ASH1L: variants seen among roughly 807,000 people sequenced by gnomAD.
ASH1L encodes histone-lysine N-methyltransferase ASH1L.
In ASH1L, 23 loss-of-function variants were observed where a neutral mutation model predicts 269.0. The observed-to-expected ratio is 0.09, with a 90% confidence interval of 0.06 to 0.12. The LOEUF is 0.12. ASH1L is among the 10% of genes least tolerant of loss of function. The pLI is 1.00. For missense variants in ASH1L, 2,912 were observed against 3,567.8 expected, an observed-to-expected ratio of 0.82 and a Z score of 4.68; for synonymous variants, 1,187 against 1,253.5, an observed-to-expected ratio of 0.95 and a Z score of 1.12.
intron 2 of ASH1L, among the ~76,000 whole-genome samples, chr1:155,497,327 T>C (rs977287021): frequency 6.6e-6 from 1 of 152,196 alleles, no homozygotes; most frequent in African/African-American, 2.4e-5. Flanking sequence ...CAACTGATTC[T>C]TGAACAACAA....
intron 1 of ASH1L, among the ~76,000 whole-genome samples, chr1:155,560,532 A>G (rs1239371715): frequency 6.6e-6 from 1 of 152,196 alleles, no homozygotes; most frequent in Non-Finnish European, 1.5e-5. Context: ...CTCTGGTTTT[A>G]ATTCCACACC....
In ASH1L at chr1:155,415,887, A is replaced by G. The variant is rs1303331666; in HGVS notation, c.5865T>C (p.Ser1955=). Residue 1955 remains serine (S), a synonymous_variant, in exon 6 of 28, where the codon TCT becomes TCC. Coordinates refer to ENST00000392403, the MANE Select transcript of ASH1L (RefSeq NM_018489.3). ...NEAPVEIPSP[S]ETPAKPSEPE... is the part of the protein sequence containing the mutation. The stretch of plus-strand genomic sequence containing the variant: ...GTTCAGAAGGTTTAGCTGGGGTTTC[A>G]GAAGGACTGGGAATCTCAACTGGTG... 6.2e-7 allele frequency: 1 copy of G among 1,609,240 alleles called. No individual in the cohort carries two copies. Among genetic ancestry groups the G allele is most frequent in the African/African-American group, 1.3e-5 (1 of 74,668 alleles).
chr1:155,512,108 A>G (rs547185817), intron 2 of ASH1L, among the ~76,000 whole-genome samples: 1 of 152,236 alleles, frequency 6.6e-6, no homozygotes, highest in Non-Finnish European at 1.5e-5. Flanking sequence ...CACTGTGCCC[A>G]GCCAAGATTG....
Position 155,481,244 on chromosome 1 carries a change from G to A in ASH1L, c.1626C>T (p.Thr542=), listed in dbSNP as rs147336458. 8.0e-5 allele frequency: 129 copies of A among 1,614,052 alleles called. No individual in the cohort carries two copies. The highest frequency in any genetic ancestry group is 9.5e-5 in the Non-Finnish European group (112 of 1,179,978). ...FKMGGASDVS[T]AKSPFSAVGE... ...CTACTGCACTGAATGGGGATTTAGC[G>A]GTAGATACATCAGAAGCACCTCCCA... The change falls in exon 3 of 28, where the codon ACC becomes ACT. Residue 542 remains threonine (T), a synonymous_variant. Transcript: ENST00000392403.
Position 155,389,217 on chromosome 1 carries a change from C to T in ASH1L, c.6103+6242G>A, listed in dbSNP as rs915330780. On this transcript the variant is annotated intron_variant, in intron 7 of 27. Coordinates refer to ENST00000392403, the MANE Select transcript of ASH1L (RefSeq NM_018489.3). Reference sequence around the variant, plus strand: ...GAGACCATGTTGGCCAGGCTGGTCTCGAACTTCTGACCTCAGGTGATCTGC... The same window carrying T: ...GAGACCATGTTGGCCAGGCTGGTCTTGAACTTCTGACCTCAGGTGATCTGC... 3.3e-5 allele frequency among the ~76,000 whole-genome samples: 5 copies of T among 151,596 alleles called. No homozygotes were observed. The East Asian group carries it at 5.9e-4, about 18-fold the overall frequency.
rs1403497105 is a variant in ASH1L at position 155,481,848 on chromosome 1, T to A, written c.1022A>T (p.Lys341Met). The change falls in exon 3 of 28, where the codon AAG becomes ATG. Residue 341 changes from lysine (K) to methionine (M), a missense_variant. Around this residue, in one of 13 missense-constraint regions of ASH1L, gnomAD observed 277 missense variants for 367.7 expected, o/e 0.75. Transcript: ENST00000392403. ...VGLLSKDSGK[K>M]LGIGIVPGLV... ...ACCTGGAACAATACCAATTCCTAGC[T>A]TCTTTCCTGAATCTTTGCTTAGCAG... is the stretch of plus-strand genomic sequence containing the variant. 2 of 1,614,232 alleles carry A rather than the reference T, an allele frequency of 1.2e-6. No homozygotes were observed. The highest frequency in any genetic ancestry group is 1.7e-6 in the Non-Finnish European group (2 of 1,180,040).
intron 1 of ASH1L, among the ~76,000 whole-genome samples, chr1:155,536,925 G>GT (rs1670095941): frequency 6.6e-6 from 1 of 151,224 alleles, no homozygotes; most frequent in African/African-American, 2.4e-5. Flanking sequence ...AGTGCCTGTA[G>GT]TCCCAGCTAC....
intron 2 of ASH1L, among the ~76,000 whole-genome samples, chr1:155,515,055 TCTG>T (rs1166608972): frequency 6.6e-6 from 1 of 152,134 alleles, no homozygotes; most frequent in African/African-American, 2.4e-5. Context: ...CGTTTGGTGG[TCTG>T]CTGCCAGTCT....
chr1:155,478,969 T>G lies in ASH1L; in HGVS notation c.3901A>C (p.Ile1301Leu), dbSNP rs754545144. ...TGATGACTTCGATGAGTGATCCGAA[T>G]TTCACTTAGGCGACTTATTAGTTCC... ...LEELISRLSEIRITHRSHHFI... is the reference protein window; with the variant it reads ...LEELISRLSELRITHRSHHFI... Residue 1301 changes from isoleucine (I) to leucine (L), a missense_variant, in exon 3 of 28, where the codon ATT (isoleucine) becomes CTT (leucine). Around this residue, in one of 13 missense-constraint regions of ASH1L, gnomAD observed 789 missense variants for 897.6 expected, o/e 0.88. Coordinates refer to ENST00000392403, the MANE Select transcript of ASH1L (RefSeq NM_018489.3). This position sits in a 1 kb window ranked among gnomAD's most constrained non-coding sequence, Gnocchi z 4.6. The G allele has an allele frequency of 1.2e-6, 2 of 1,613,720 alleles. No individual in the cohort carries two copies. Among genetic ancestry groups the G allele is most frequent in the Non-Finnish European group, 1.7e-6 (2 of 1,180,032 alleles).
intron 1 of ASH1L, among the ~76,000 whole-genome samples, chr1:155,558,631 A>G (rs78313302): frequency 0.01 from 1,544 of 152,020 alleles, 27 homozygotes; most frequent in African/African-American, 0.035. Context: ...GCAGCTTCCA[A>G]CTCCTGGGTC....
At chr1:155,383,912 T>A (rs972596977) in intron 7 of ASH1L, among the ~76,000 whole-genome samples, 2 of 152,144 alleles carry the variant, frequency 1.3e-5, no homozygotes, top group Non-Finnish European at 2.9e-5. Flanking sequence ...TTAAAAATGA[T>A]CAAAATGCAA....
chr1:155,382,033 C>T (rs937088843), intron 7 of ASH1L, among the ~76,000 whole-genome samples: 8 of 151,284 alleles, frequency 5.3e-5, no homozygotes, highest in African/African-American at 1.9e-4. Flanking sequence ...ATGGTGAAAG[C>T]CTGTCTCTGC....
At chr1:155,516,232 T>C (rs1264968261) in intron 2 of ASH1L, among the ~76,000 whole-genome samples, 1 of 152,126 alleles carries the variant, frequency 6.6e-6, no homozygotes, top group East Asian at 1.9e-4. Flanking sequence ...AAAAAAATTA[T>C]ATATAATATT....
intron 3 of ASH1L, among the ~76,000 whole-genome samples, chr1:155,466,017 A>C (rs1276118635): frequency 6.6e-6 from 1 of 152,200 alleles, no homozygotes; most frequent in African/African-American, 2.4e-5. Flanking sequence ...AATGCACTAC[A>C]AGAGAGTATG....
intron 12 of ASH1L, among the ~76,000 whole-genome samples, chr1:155,367,869 T>C (rs1034226802): frequency 1.3e-5 from 2 of 152,246 alleles, no homozygotes; most frequent in Non-Finnish European, 2.9e-5. Flanking sequence ...GTTGATATTT[T>C]ATTTAGGATT....
chr1:155,390,938 C>A (rs188711980), intron 7 of ASH1L, among the ~76,000 whole-genome samples: 227 of 151,432 alleles, frequency 1.5e-3, no homozygotes, highest in African/African-American at 5.3e-3. Flanking sequence ...CGTGAGCCAC[C>A]ACACCTGCCT....
At chr1:155,543,768 C>T (rs1383697239) in intron 1 of ASH1L, among the ~76,000 whole-genome samples, 4 of 151,608 alleles carry the variant, frequency 2.6e-5, no homozygotes, top group Admixed American at 2.6e-4. Context: ...CCCATCTCTA[C>T]AAAAAATTTA....
Position 155,346,371 on chromosome 1 carries a change from G to A in ASH1L, c.7890+12C>T. 2 of 1,612,936 alleles carry A rather than the reference G, an allele frequency of 1.2e-6. No homozygotes were observed. The highest frequency in any genetic ancestry group is 2.2e-5 in the East Asian group (1 of 44,874). ...ACTTATAGATCAGAGTTTTATCAGA[G>A]GTTCAGCTTACCCTGTCCACAGGCC... On this transcript the variant is annotated intron_variant, in intron 21 of 27. Coordinates refer to ENST00000392403, the MANE Select transcript of ASH1L (RefSeq NM_018489.3).
At chr1:155,442,243 T>G (rs2148630077) in intron 4 of ASH1L, among the ~76,000 whole-genome samples, 1 of 152,110 alleles carries the variant, frequency 6.6e-6, no homozygotes, top group East Asian at 1.9e-4. Context: ...GCTTCTACTT[T>G]CACCATCCTC....
Sources: gnomAD v4.1 joint callset for allele counts (sites outside exome capture counted in the v4.1 genomes callset) on GRCh38, gnomAD v4.1.1 for gene constraint, gnomAD v4.1.1 regional missense constraint, Gnocchi (gnomAD v3.1) non-coding constraint, MANE v1.5 for transcripts, NCBI Gene and HGNC (gene_info 2026-07-23, HGNC 2026-07-21) for gene names.